Variants in NTM observed in about 807,000 individuals in gnomAD.
NTM encodes IgLON family member 2.
A neutral mutation model predicts 42.1 loss-of-function variants in NTM; 13 were observed. The ratio of observed to expected loss-of-function variants is 0.31; its 90% CI spans 0.20 to 0.49. The LOEUF (loss-of-function observed/expected upper bound fraction) is 0.49, where lower values mean the gene tolerates loss of function less well. Ranked by LOEUF, NTM falls within the 20% of genes least tolerant of loss-of-function variation. The pLI is 0.99. For missense variants in NTM, 373 were observed against 452.8 expected (o/e 0.82, Z 1.60); for synonymous variants, 187 against 179.2 (o/e 1.04, Z -0.35).
At position 131,530,801 on chromosome 11, in the gene NTM, G is replaced by A. The variant is rs111421703; in HGVS notation, c.82+159913G>A. Among the ~76,000 whole-genome samples, 1,479 of 152,324 alleles carry A rather than the reference G, an allele frequency of 9.7e-3. 28 individuals are homozygous for A. The highest frequency in any genetic ancestry group is 0.034 in the African/African-American group (1,407 of 41,580). ...AATGCTAAAGGGAGCAAATGAAAGAGTTAATGATTAGACTAGAAAAATCAA... is the reference window on the plus strand; with the variant it reads ...AATGCTAAAGGGAGCAAATGAAAGAATTAATGATTAGACTAGAAAAATCAA... On this transcript the variant is annotated intron_variant, in intron 1 of 8. Transcript: ENST00000683400.
intron 2 of NTM, among the ~76,000 whole-genome samples, chr11:132,001,997 A>G (rs143191360): frequency 2.0e-5 from 3 of 152,326 alleles, no homozygotes; most frequent in Admixed American, 1.3e-4. Context: ...GTGAAGCCTC[A>G]TGTGTAGAAA....
rs2089928479 is a variant in NTM, at chr11:131,789,454, G to GAAGAAGAAGAAGAAGAAGAAGAAGA, written c.83-122108_83-122084dup. ...GGAAGAAGAAGAAGAAGAAGAAGAA[G>GAAGAAGAAGAAGAAGAAGAAGAAGA]AAGAAGAAGAAGAAGAAGAAGAAGA... On this transcript the variant is annotated intron_variant, in intron 1 of 8. Transcript: ENST00000683400. 1.7e-4 allele frequency among the ~76,000 whole-genome samples: 2 copies of GAAGAAGAAGAAGAAGAAGAAGAAGA among 12,088 alleles called. 1 individual carries two copies. Among genetic ancestry groups the GAAGAAGAAGAAGAAGAAGAAGAAGA allele is most frequent in the African/African-American group, 6.4e-4 (2 of 3,106 alleles). The allele number at this position is 12,088 out of a possible 152,430, so 7.9% of individuals were successfully genotyped here. A position where few individuals can be genotyped will look rare whatever the true frequency, so the allele number is the denominator to read the frequency against.
chr11:131,484,084 G>C (rs1953901976), intron 1 of NTM, among the ~76,000 whole-genome samples: 2 of 152,172 alleles, frequency 1.3e-5, no homozygotes, highest in African/African-American at 4.8e-5. Flanking sequence ...CTGAGTCCCA[G>C]GGGGCACATT....
chr11:131,414,710 C>T (rs1946762973), intron 1 of NTM, among the ~76,000 whole-genome samples: 2 of 152,316 alleles, frequency 1.3e-5, no homozygotes, highest in Non-Finnish European at 1.5e-5. Flanking sequence ...GACAGAGATC[C>T]TTAATTGGTT....
intron 4 of NTM, chr11:132,306,530 A>G (rs1480581897): frequency 2.6e-5 from 4 of 152,148 alleles, no homozygotes; most frequent in Admixed American, 2.0e-4. Context: ...GTGTGTACAT[A>G]TATATGTAGG....
In NTM at chr11:131,561,711, C is replaced by CTG. The variant is rs963521400; in HGVS notation, c.82+190823_82+190824insTG. On this transcript the variant is annotated intron_variant, in intron 1 of 8. Coordinates refer to ENST00000683400, the MANE Select transcript of NTM (RefSeq NM_001352005.2). ...TATCCCAGATACTCTGTTATTCCCA[C>CTG]CGCAGAGACACAACTACTGCATTGC... Among the ~76,000 whole-genome samples the CTG allele has an allele frequency of 3.5e-5, 3 of 84,604 alleles. No homozygotes were observed. In the African/African-American group the frequency reaches 3.7e-4, roughly 10 times the overall value. 55.5% of individuals were successfully genotyped at this position (84,604 alleles called of 152,430 possible).
chr11:132,054,820 G>C (rs1376562749), intron 2 of NTM, among the ~76,000 whole-genome samples: 2 of 152,198 alleles, frequency 1.3e-5, no homozygotes, highest in Admixed American at 6.5e-5. Context: ...TATCCATCTA[G>C]TTTATAGCAA....
At chr11:132,096,267 G>T (rs1106362) in intron 2 of NTM, among the ~76,000 whole-genome samples, 1 of 152,084 alleles carries the variant, frequency 6.6e-6, no homozygotes, top group Non-Finnish European at 1.5e-5. Flanking sequence ...AGAGTGTGTT[G>T]TAATTGGCCG....
At chr11:132,240,365 C>G (rs956718035) in intron 4 of NTM, among the ~76,000 whole-genome samples, 4 of 152,152 alleles carry the variant, frequency 2.6e-5, no homozygotes, top group African/African-American at 9.7e-5. Flanking sequence ...TGGAATCTAG[C>G]AGAAAGCTCA....
At chr11:131,987,842 G>A (rs1045974188) in intron 2 of NTM, among the ~76,000 whole-genome samples, 1 of 152,214 alleles carries the variant, frequency 6.6e-6, no homozygotes, top group African/African-American at 2.4e-5. Flanking sequence ...ATTTGCTTAG[G>A]AAGTAAATAT....
chr11:131,888,594 C>A (rs1216088284), intron 1 of NTM, among the ~76,000 whole-genome samples: 4 of 152,164 alleles, frequency 2.6e-5, no homozygotes, highest in African/African-American at 9.7e-5. Flanking sequence ...CCTCCTTCCA[C>A]TTCCTTGTCG....
At chr11:131,733,513 TCC>T (rs2135507829) in intron 1 of NTM, among the ~76,000 whole-genome samples, 9 of 149,282 alleles carry the variant, frequency 6.0e-5, no homozygotes, top group Non-Finnish European at 1.0e-4. Flanking sequence ...CTTCCTTCCT[TCC>T]TTCCTTTCTT....
intron 1 of NTM, among the ~76,000 whole-genome samples, chr11:131,741,814 G>A (rs1359018201): frequency 1.3e-5 from 2 of 152,126 alleles, no homozygotes; most frequent in South Asian, 2.1e-4. Flanking sequence ...TCGAAGACAC[G>A]GAATCAACCT....
intron 1 of NTM, among the ~76,000 whole-genome samples, chr11:131,479,610 G>T (rs765464578): frequency 8.5e-5 from 13 of 152,190 alleles, no homozygotes; most frequent in Non-Finnish European, 1.5e-4. Flanking sequence ...AGAAAAGTGG[G>T]CTCTGCAATT....
intron 2 of NTM, among the ~76,000 whole-genome samples, chr11:132,108,533 G>A (rs776665749): frequency 6.6e-6 from 1 of 152,096 alleles, no homozygotes; most frequent in Non-Finnish European, 1.5e-5. Context: ...GACTTGGGAG[G>A]AAGGGTGGCG....
intron 3 of NTM, among the ~76,000 whole-genome samples, chr11:132,166,214 A>G (rs190249140): frequency 1.1e-4 from 16 of 152,298 alleles, no homozygotes; most frequent in Admixed American, 9.8e-4. Flanking sequence ...TAGTTTTCTT[A>G]ACCTTTTTGA....
chr11:132,182,667 T>C (rs1235725820), intron 3 of NTM, among the ~76,000 whole-genome samples: 1 of 152,226 alleles, frequency 6.6e-6, no homozygotes, highest in Admixed American at 6.5e-5. Context: ...ACGTACTCTC[T>C]TGAGGATGCA....
chr11:132,178,878 A>G (rs1191068570), intron 3 of NTM, among the ~76,000 whole-genome samples: 1 of 152,246 alleles, frequency 6.6e-6, no homozygotes, highest in Non-Finnish European at 1.5e-5. Context: ...GGTTAATAGA[A>G]TTTAGCATTT....
chr11:131,393,533 C>A (rs573119627), intron 1 of NTM, among the ~76,000 whole-genome samples: 1 of 152,314 alleles, frequency 6.6e-6, no homozygotes, highest in African/African-American at 2.4e-5. Context: ...GCAGCAGCAA[C>A]CGCCCATCCT....
Sources: allele counts gnomAD v4.1 joint callset (sites outside exome capture counted in the v4.1 genomes callset), GRCh38; gene constraint gnomAD v4.1.1; transcripts MANE v1.5; gene names NCBI Gene and HGNC (gene_info 2026-07-23, HGNC 2026-07-21).